MORN1: variants seen among roughly 807,000 people sequenced by gnomAD.
MORN1 encodes MORN repeat containing 1.
Under a neutral mutation model 61.9 loss-of-function variants are expected in MORN1, and 67 were observed. The observed-to-expected ratio is 1.08, with a 90% CI of 0.89 to 1.33. The LOEUF (loss-of-function observed/expected upper bound fraction) is 1.33, where lower values mean the gene tolerates loss of function less well. MORN1 is among the 40% of genes most tolerant of loss of function. The pLI is 0.00. For synonymous variants in MORN1, 301 were observed against 292.0 expected (o/e 1.03, Z -0.31); for missense variants, 752 against 691.2 (o/e 1.09, Z -0.99).
chr1:2,336,764 G>A lies in MORN1; in HGVS notation c.1123C>T (p.Pro375Ser), dbSNP rs555344564. 2.4e-5 allele frequency: 39 copies of A among 1,603,478 alleles called. No individual in the cohort carries two copies. Among genetic ancestry groups the A allele is most frequent in the Middle Eastern group, 1.7e-4 (1 of 6,002 alleles). ...AEFTDVLLGP[P>S]PPGYHPFLFL... ...AGGAAGGGGTGGTACCCAGGCGGGG[G>A]CGGCCCCAGGAGGACATCTGTGAAC... Residue 375 changes from proline (P) to serine (S), a missense_variant, in exon 11 of 14, where the codon CCC becomes TCC. Coordinates refer to ENST00000378531, the MANE Select transcript of MORN1 (RefSeq NM_024848.3).
intron 8 of MORN1, among the ~76,000 whole-genome samples, chr1:2,360,155 C>T (rs112425031): frequency 8.7e-4 from 133 of 152,298 alleles, no homozygotes; most frequent in Middle Eastern, 3.4e-3. Flanking sequence ...CCTGGTCATG[C>T]GGACTCTGAG....
Position 2,362,192 on chromosome 1 carries a change from A to G in MORN1, c.746-3477T>C, listed in dbSNP as rs531715863. On this transcript the variant is annotated intron_variant, in intron 8 of 13. Coordinates refer to ENST00000378531, the MANE Select transcript of MORN1 (RefSeq NM_024848.3). ...GGTTGCAATGAGCTCTGATCATGCC[A>G]CTGCACTCCAGCCTGGGCGACAGAG... Among the ~76,000 whole-genome samples the G allele has an allele frequency of 2.6e-5, 4 of 152,368 alleles. No homozygotes were observed. The East Asian group carries it at 5.8e-4, about 22-fold the overall frequency.
rs909171667 is a variant in MORN1 at position 2,334,896 on chromosome 1, C to T, written c.1250+1573G>A. ...CGCGGAGGTTGCCACGGTTCTGGAG[C>T]GAAGTGGAGGTGCCGCCCTGGGCGT... On this transcript the variant is annotated intron_variant, in intron 12 of 13. Transcript: ENST00000378531. This position sits in a 1 kb window ranked among gnomAD's most constrained non-coding sequence, Gnocchi z 5.4. Among the ~76,000 whole-genome samples, 2 of 152,168 alleles carry T rather than the reference C, an allele frequency of 1.3e-5. No homozygotes were observed. Among genetic ancestry groups the T allele is most frequent in the African/African-American group, 2.4e-5 (1 of 41,438 alleles).
intron 6 of MORN1, 73 bp downstream of exon 6, chr1:2,384,905 A>T: frequency 7.5e-7 from 1 of 1,333,968 alleles, no homozygotes; most frequent in East Asian, 2.6e-5. Flanking sequence ...GAGGCTCCCC[A>T]TACACCCCAC....
At position 2,335,066 on chromosome 1, in the gene MORN1, C is replaced by T. The variant is rs11808531; in HGVS notation, c.1250+1403G>A. Among the ~76,000 whole-genome samples, 475 of 152,334 alleles carry T rather than the reference C, an allele frequency of 3.1e-3. 2 individuals carry two copies. The highest frequency in any genetic ancestry group is 0.011 in the African/African-American group (457 of 41,578). On this transcript the variant is annotated intron_variant, in intron 12 of 13. Coordinates refer to ENST00000378531, the MANE Select transcript of MORN1 (RefSeq NM_024848.3). ...TTTTAGTCTCTGCTTCTGAAGTTAT[C>T]GTACAAAGTGAGTTTCATATTTAAT...
At chr1:2,322,958 C>T (rs1234319526) in intron 13 of MORN1, 2 of 985,324 alleles carry the variant, frequency 2.0e-6, no homozygotes, top group African/African-American at 3.5e-5. Flanking sequence ...CACTTAGGGC[C>T]TCGGCCATAC....
At position 2,389,912 on chromosome 1, in the gene MORN1, A is replaced by G. The variant is rs373383105; in HGVS notation, c.148+13T>C. 7.4e-6 allele frequency: 12 copies of G among 1,613,390 alleles called. No homozygotes were observed. In the African/African-American group the frequency reaches 1.6e-4, roughly 21 times the overall value. ...GGCAGCAGCTGCAAGAAGAGACCAC[A>G]GATGCTTCTCACCGTGCTTCCTCCC... On this transcript the variant is annotated intron_variant, in intron 2 of 13. Coordinates refer to ENST00000378531, the MANE Select transcript of MORN1 (RefSeq NM_024848.3).
chr1:2,372,531 G>A lies in MORN1; in HGVS notation c.695C>T (p.Pro232Leu), dbSNP rs758290892. The A allele has an allele frequency of 6.2e-7, 1 of 1,613,960 alleles. No individual in the cohort carries two copies. Among genetic ancestry groups the A allele is most frequent in the Non-Finnish European group, 8.5e-7 (1 of 1,179,980 alleles). ...PEVMEVAQGS[P>L]FSVNVQLLQD... ...CAGCAGCTGAACGTTCACCGAGAAG[G>A]GAGACCCTTGGGCCACTTCCATCAC... The change falls in exon 8 of 14, where the codon CCC (proline) becomes CTC (leucine). Residue 232 changes from proline to leucine, a missense_variant. Transcript: ENST00000378531. The surrounding 1 kb of genome is among the most constrained non-coding windows in gnomAD (Gnocchi z 5.4).
At chr1:2,322,263 C>T (rs1052664632) in intron 13 of MORN1, 53 of 985,314 alleles carry the variant, frequency 5.4e-5, no homozygotes, top group Admixed American at 6.1e-5. Context: ...AGAAACCATC[C>T]TCTCCCCTCC....
At chr1:2,354,924 C>T (rs954200308) in intron 10 of MORN1, among the ~76,000 whole-genome samples, 1 of 152,204 alleles carries the variant, frequency 6.6e-6, no homozygotes, top group Non-Finnish European at 1.5e-5. Flanking sequence ...AAAGCACGTT[C>T]CTCTAGGTTT....
At chr1:2,379,123 G>A (rs775492026) in intron 6 of MORN1, 15 of 471,192 alleles carry the variant, frequency 3.2e-5, no homozygotes, top group South Asian at 2.2e-4. Context: ...TGTCGAGAGG[G>A]AGAACAGGTC....
intron 10 of MORN1, chr1:2,351,707 C>T (rs917532291): frequency 1.5e-5 from 7 of 472,094 alleles, no homozygotes; most frequent in African/African-American, 1.0e-4. Flanking sequence ...TCTTTAGTTT[C>T]ATCTTTCTGA....
At chr1:2,380,365 C>A (rs907747880) in intron 6 of MORN1, among the ~76,000 whole-genome samples, 5 of 152,186 alleles carry the variant, frequency 3.3e-5, no homozygotes, top group African/African-American at 7.2e-5. Context: ...CACGGCCCAG[C>A]GCAGCGGCTC....
chr1:2,351,547 A>C (rs553489302), intron 10 of MORN1: 10 of 203,336 alleles, frequency 4.9e-5, no homozygotes, highest in Non-Finnish European at 8.0e-5. Flanking sequence ...TTGCCAGCAC[A>C]TTGCGCTTCT....
At chr1:2,323,862 C>G (rs1640937525) in intron 13 of MORN1, 6 of 985,316 alleles carry the variant, frequency 6.1e-6, no homozygotes, top group Non-Finnish European at 4.8e-6. Flanking sequence ...ACATCAAGGG[C>G]TGTGTCGGCC....
At chr1:2,338,418 A>T (rs1410951619) in intron 10 of MORN1, among the ~76,000 whole-genome samples, 1 of 152,060 alleles carries the variant, frequency 6.6e-6, no homozygotes, top group African/African-American at 2.4e-5. Context: ...TTCTTAACGC[A>T]CCGATGGTTT....
chr1:2,385,730 C>T lies in MORN1; in HGVS notation c.449+77G>A, dbSNP rs533304616. On this transcript the variant is annotated intron_variant, in intron 5 of 13. Transcript: ENST00000378531. ...GTGTCCCATGGCAGTCCTGTCTACA[C>T]CCCCAGGCCACATGGCCTCACACCT... The T allele has an allele frequency of 1.1e-5, 15 of 1,377,684 alleles. No individual in the cohort carries two copies. The East Asian group carries it at 2.5e-4, about 23-fold the overall frequency. 85.3% of individuals were successfully genotyped at this position (1,377,684 alleles called of 1,614,324 possible).
Position 2,337,636 on chromosome 1 carries a change from A to C in MORN1, c.1037-786T>G, listed in dbSNP as rs958098809. Among the ~76,000 whole-genome samples, 1 of 152,204 alleles carries C rather than the reference A, an allele frequency of 6.6e-6. No homozygotes were observed. Among genetic ancestry groups the C allele is most frequent in the Admixed American group, 6.5e-5 (1 of 15,282 alleles). On this transcript the variant is annotated intron_variant, in intron 10 of 13. Coordinates refer to ENST00000378531, the MANE Select transcript of MORN1 (RefSeq NM_024848.3). The surrounding 1 kb of genome is among the most constrained non-coding windows in gnomAD (Gnocchi z 5.7). ...AGCCTGAAGGAGATAACTTCAGTGCAGCCCCTCCACACACACACATCAGAG... is the reference window on the plus strand; with the variant it reads ...AGCCTGAAGGAGATAACTTCAGTGCCGCCCCTCCACACACACACATCAGAG...
chr1:2,390,723 T>A (rs1397513774), intron 1 of MORN1: 2 of 985,254 alleles, frequency 2.0e-6, no homozygotes, highest in Non-Finnish European at 2.4e-6. Context: ...TTTATTTGAT[T>A]CTAGAAACAG....
Sources: gnomAD v4.1 joint callset for allele counts (sites outside exome capture counted in the v4.1 genomes callset) on GRCh38, gnomAD v4.1.1 for gene constraint, Gnocchi (gnomAD v3.1) non-coding constraint, MANE v1.5 for transcripts, NCBI Gene and HGNC (gene_info 2026-07-23, HGNC 2026-07-21) for gene names.